Variants in COL23A1 observed in about 807,000 individuals in gnomAD.
COL23A1 encodes collagen alpha-1(XXIII) chain.
A neutral mutation model predicts 99.3 loss-of-function variants in COL23A1; 97 were observed. The ratio of observed to expected loss-of-function variants is 0.98; its 90% CI spans 0.83 to 1.16. The LOEUF (loss-of-function observed/expected upper bound fraction) is 1.16. COL23A1 is among the 50% of genes most tolerant of loss of function. The pLI is 0.00. For synonymous variants in COL23A1, 320 were observed against 308.2 expected (o/e 1.04, Z -0.40); for missense variants, 762 against 757.4 (o/e 1.01, Z -0.07).
intron 1 of COL23A1, among the ~76,000 whole-genome samples, chr5:178,571,883 C>G (rs1323214565): frequency 3.3e-5 from 5 of 152,022 alleles, no homozygotes; most frequent in Non-Finnish European, 7.4e-5. Context: ...TCCTGGCTAA[C>G]ACGGTGAAAC....
chr5:178,267,734 A>G (rs1755986686), intron 7 of COL23A1, among the ~76,000 whole-genome samples: 1 of 152,186 alleles, frequency 6.6e-6, no homozygotes, highest in Admixed American at 6.5e-5. Context: ...CCAAGACACC[A>G]GTTCTCTCTG....
rs1763728801 is a variant in COL23A1 at position 178,387,373 on chromosome 5, G to A, written c.362-80454C>T. On this transcript the variant is annotated intron_variant, in intron 2 of 28. Transcript: ENST00000390654. The surrounding 1 kb of genome is among the most constrained non-coding windows in gnomAD (Gnocchi z 4.7). ...CCCGCTCACAAGTCTCTAAGACACT[G>A]CTGGGTCAAGCCTCAGTGCGTTTGC... Among the ~76,000 whole-genome samples the A allele has an allele frequency of 6.6e-6, 1 of 152,160 alleles. No individual in the cohort carries two copies. Among genetic ancestry groups the A allele is most frequent in the Admixed American group, 6.5e-5 (1 of 15,274 alleles).
At chr5:178,436,770 C>CA (rs1766585699) in intron 2 of COL23A1, among the ~76,000 whole-genome samples, 2 of 152,198 alleles carry the variant, frequency 1.3e-5, no homozygotes, top group Admixed American at 6.5e-5. Context: ...GGGTACTTAC[C>CA]ATGTGAAGAC....
intron 2 of COL23A1, among the ~76,000 whole-genome samples, chr5:178,522,611 T>C (rs642889): frequency 0.28 from 42,666 of 152,016 alleles, 7,092 homozygotes; most frequent in East Asian, 0.67. Context: ...GGAGAAAGAA[T>C]GTACCCAAGG....
chr5:178,433,901 T>A (rs1420990204), intron 2 of COL23A1, among the ~76,000 whole-genome samples: 2 of 152,106 alleles, frequency 1.3e-5, no homozygotes, highest in Non-Finnish European at 2.9e-5. Flanking sequence ...AGGACTGGTG[T>A]CCTTACAACA....
At chr5:178,567,748 A>G (rs908130702) in intron 1 of COL23A1, among the ~76,000 whole-genome samples, 2 of 152,246 alleles carry the variant, frequency 1.3e-5, no homozygotes, top group Non-Finnish European at 2.9e-5. Context: ...AAGCTGGAAC[A>G]ATTTAAGCAA....
At chr5:178,409,197 G>A (rs919161455) in intron 2 of COL23A1, among the ~76,000 whole-genome samples, 1 of 152,142 alleles carries the variant, frequency 6.6e-6, no homozygotes, top group African/African-American at 2.4e-5. Context: ...TAAGCCAACT[G>A]TGGTATAACC....
intron 2 of COL23A1, among the ~76,000 whole-genome samples, chr5:178,371,442 C>A (rs1762796369): frequency 6.6e-6 from 1 of 152,168 alleles, no homozygotes; most frequent in African/African-American, 2.4e-5. Context: ...GTCGGATGGG[C>A]CTCGCGGGCT....
Position 178,258,262 on chromosome 5 carries a change from T to TATATATAC in COL23A1, c.730-696_730-695insGTATATAT. Among the ~76,000 whole-genome samples the TATATATAC allele has an allele frequency of 1.6e-3, 165 of 104,100 alleles. 8 individuals are homozygous for TATATATAC. The highest frequency in any genetic ancestry group is 3.1e-3 in the South Asian group (8 of 2,578). 68.3% of individuals were successfully genotyped at this position (104,100 alleles called of 152,430 possible). A position where few individuals can be genotyped will look rare whatever the true frequency, so the allele number is the denominator to read the frequency against. Reference sequence around the variant, plus strand: ...ATATATATATATATATATATATATATACACATGCAAATCAATTCTAGGCAC... The same window carrying TATATATAC: ...ATATATATATATATATATATATATATATATATACACACATGCAAATCAATTCTAGGCAC... On this transcript the variant is annotated intron_variant, in intron 12 of 28. Transcript: ENST00000390654.
At position 178,590,203 on chromosome 5, in the gene COL23A1, G is replaced by T; in HGVS notation, c.-6C>A. The T allele has an allele frequency of 8.2e-7, 1 of 1,212,884 alleles. No individual in the cohort carries two copies. The highest frequency in any genetic ancestry group is 1.0e-6 in the Non-Finnish European group (1 of 977,664). 75.1% of individuals were successfully genotyped at this position (1,212,884 alleles called of 1,614,324 possible). A position where few individuals can be genotyped will look rare whatever the true frequency, so the allele number is the denominator to read the frequency against. ...GCGCGCTCGCCTGGGCCCATGGCGC[G>T]TTCGTCGCGCGTGGACTCTCCGAGG... On this transcript the variant is annotated 5_prime_UTR_variant, in exon 1 of 29. Transcript: ENST00000390654. This position sits in a 1 kb window ranked among gnomAD's most constrained non-coding sequence, Gnocchi z 5.7.
At chr5:178,402,979 GCACCCACAGTC>G (rs1393847096) in intron 2 of COL23A1, among the ~76,000 whole-genome samples, 1 of 151,348 alleles carries the variant, frequency 6.6e-6, no homozygotes, top group Non-Finnish European at 1.5e-5. Context: ...GTGGCAGTGT[GCACCCACAGTC>G]CCAGCTACTC....
intron 2 of COL23A1, among the ~76,000 whole-genome samples, chr5:178,345,725 C>A (rs1193741422): frequency 6.6e-6 from 1 of 151,666 alleles, no homozygotes; most frequent in Non-Finnish European, 1.5e-5. Context: ...CAGGGTTTCA[C>A]CGTGTTAGCC....
chr5:178,302,063 T>C, intron 3 of COL23A1, among the ~76,000 whole-genome samples: 1 of 136,150 alleles, frequency 7.3e-6, no homozygotes. Context: ...ATGCTGCACC[T>C]CTGTGTGTGC....
intron 2 of COL23A1, among the ~76,000 whole-genome samples, chr5:178,406,499 G>A (rs1210026278): frequency 5.4e-5 from 8 of 149,256 alleles, no homozygotes; most frequent in African/African-American, 1.2e-4. Context: ...GCGACATCTC[G>A]GCTCACTGCA....
chr5:178,404,095 C>T (rs1240713407), intron 2 of COL23A1, among the ~76,000 whole-genome samples: 4 of 152,210 alleles, frequency 2.6e-5, no homozygotes, highest in African/African-American at 9.7e-5. Context: ...CACCCTGCCT[C>T]CATTCATGTA....
At chr5:178,247,325 C>T (rs1764755684) in intron 22 of COL23A1, among the ~76,000 whole-genome samples, 1 of 152,072 alleles carries the variant, frequency 6.6e-6, no homozygotes, top group South Asian at 2.1e-4. Flanking sequence ...AGAGGAGAGC[C>T]TCAAGGGTGG....
intron 3 of COL23A1, among the ~76,000 whole-genome samples, chr5:178,295,054 G>A (rs1004644291): frequency 2.6e-5 from 4 of 152,182 alleles, no homozygotes; most frequent in Non-Finnish European, 4.4e-5. Context: ...GTGTGCTGGC[G>A]TGTGCTTGTG....
chr5:178,461,426 T>C (rs1015127789), intron 2 of COL23A1, among the ~76,000 whole-genome samples: 13 of 152,358 alleles, frequency 8.5e-5, no homozygotes, highest in African/African-American at 3.1e-4. Flanking sequence ...AACTGGGCTC[T>C]AGCAGTCGCT....
chr5:178,332,062 C>T (rs1760059681), intron 2 of COL23A1, among the ~76,000 whole-genome samples: 1 of 152,216 alleles, frequency 6.6e-6, no homozygotes. Flanking sequence ...GCTCAGGAGC[C>T]TTCTGGCGGT....
Sources: gnomAD v4.1 joint callset for allele counts (sites outside exome capture counted in the v4.1 genomes callset) on GRCh38, gnomAD v4.1.1 for gene constraint, Gnocchi (gnomAD v3.1) non-coding constraint, MANE v1.5 for transcripts, NCBI Gene and HGNC (gene_info 2026-07-23, HGNC 2026-07-21) for gene names.